The following AMPH variants were observed in gnomAD, a reference collection of about 807,000 sequenced individuals.
The protein encoded by AMPH is amphiphysin.
In AMPH, 49 loss-of-function variants were observed where a neutral mutation model predicts 99.1. The observed-to-expected ratio is 0.49, with a 90% CI of 0.39 to 0.63. AMPH has a LOEUF of 0.63. Ranked by LOEUF, AMPH falls within the 20% of genes least tolerant of loss-of-function variation. The pLI, the probability that AMPH is intolerant of heterozygous loss-of-function variation, is 0.00. For missense variants in AMPH, 759 were observed against 863.4 expected, an observed-to-expected ratio of 0.88 and a Z score of 1.52; for synonymous variants, 314 against 317.3, an observed-to-expected ratio of 0.99 and a Z score of 0.11.
In AMPH at chr7:38,465,491, G is replaced by C; in HGVS notation, c.725C>G (p.Ala242Gly). ...TKLGDQHADKAFTIQGAPSDS... is the reference protein window; with the variant it reads ...TKLGDQHADKGFTIQGAPSDS... ...CCTGGGCGCTCCTTGGATGGTGAAG[G>C]CCTTGTCGGCGTGCTGGTCACCCAG... Residue 242 changes from alanine (A) to glycine (G), a missense_variant, in exon 9 of 21, where the codon GCC becomes GGC. By Grantham distance (60) the Ala-to-Gly change is moderately conservative. Transcript: ENST00000356264. 1 of 1,582,706 alleles carries C rather than the reference G, an allele frequency of 6.3e-7. No homozygotes were observed. The highest frequency in any genetic ancestry group is 8.6e-7 in the Non-Finnish European group (1 of 1,162,496).
At chr7:38,617,191 T>C (rs1397633624) in intron 1 of AMPH, among the ~76,000 whole-genome samples, 1 of 151,706 alleles carries the variant, frequency 6.6e-6, no homozygotes, top group African/African-American at 2.4e-5. Flanking sequence ...GAATGTGTGT[T>C]ACCCCAAGGG....
At chr7:38,526,631 C>T (rs890121720) in intron 2 of AMPH, among the ~76,000 whole-genome samples, 12 of 151,884 alleles carry the variant, frequency 7.9e-5, no homozygotes, top group African/African-American at 2.2e-4. Context: ...ATTTTTACTA[C>T]GGAGTTTTAA....
At chr7:38,440,918 T>C (rs1786481204) in intron 11 of AMPH, among the ~76,000 whole-genome samples, 1 of 152,134 alleles carries the variant, frequency 6.6e-6, no homozygotes, top group Admixed American at 6.6e-5. Flanking sequence ...AACTTCACCA[T>C]ATGAATAATA....
chr7:38,406,713 C>CCTCTCTCCCTCTCT lies in AMPH; in HGVS notation c.1398+11111_1398+11112insAGAGAGGGAGAGAG, dbSNP rs1562732244. On this transcript the variant is annotated intron_variant, in intron 17 of 20. Coordinates refer to ENST00000356264, the MANE Select transcript of AMPH (RefSeq NM_001635.4). ...GCTTGCTCTGAGTTCTCTCTCCTCT[C>CCTCTCTCCCTCTCT]CTCTCTCTCTCCCTTTCCCTCTCTC... is the stretch of plus-strand genomic sequence containing the variant. Among the ~76,000 whole-genome samples the CCTCTCTCCCTCTCT allele has an allele frequency of 4.2e-4, 47 of 111,058 alleles. 1 individual carries two copies. The highest frequency in any genetic ancestry group is 7.5e-4 in the Non-Finnish European group (40 of 53,384). The allele number at this position is 111,058 out of a possible 152,430, so 72.9% of individuals were successfully genotyped here.
chr7:38,596,271 G>A (rs2129059719), intron 1 of AMPH, among the ~76,000 whole-genome samples: 1 of 152,268 alleles, frequency 6.6e-6, no homozygotes, highest in Non-Finnish European at 1.5e-5. Context: ...GTCTATGGAG[G>A]GGTAGAGTTT....
intron 1 of AMPH, among the ~76,000 whole-genome samples, chr7:38,564,013 A>G (rs566252906): frequency 6.6e-5 from 10 of 152,318 alleles, no homozygotes; most frequent in African/African-American, 1.9e-4. Context: ...CCTTCTTGAC[A>G]AACACTTGGG....
At chr7:38,549,809 C>G (rs1791117979) in intron 1 of AMPH, among the ~76,000 whole-genome samples, 1 of 152,178 alleles carries the variant, frequency 6.6e-6, no homozygotes, top group African/African-American at 2.4e-5. Context: ...GGACTGCATT[C>G]TCACAAGATA....
chr7:38,503,804 T>G (rs1484925574), intron 2 of AMPH, 100 bp from the exon 3 acceptor site: 1 of 1,216,718 alleles, frequency 8.2e-7, no homozygotes, highest in African/African-American at 1.5e-5. Context: ...CAGAAGCTCA[T>G]TCTTGGAAAA....
chr7:38,564,921 G>A lies in AMPH; in HGVS notation c.70-29910C>T, dbSNP rs181761213. On this transcript the variant is annotated intron_variant, in intron 1 of 20. Coordinates refer to ENST00000356264, the MANE Select transcript of AMPH (RefSeq NM_001635.4). The stretch of plus-strand genomic sequence containing the variant: ...GGGTGGATCACGAGGTCAGGAGATC[G>A]AGACCATCCTGGCTAACACGGTGAA... 9.9e-3 allele frequency among the ~76,000 whole-genome samples: 1,506 copies of A among 152,112 alleles called. 15 individuals are homozygous for A. The highest frequency in any genetic ancestry group is 0.012 in the Non-Finnish European group (822 of 67,972).
chr7:38,595,558 A>G (rs1029928078), intron 1 of AMPH, among the ~76,000 whole-genome samples: 34 of 152,192 alleles, frequency 2.2e-4, no homozygotes, highest in Non-Finnish European at 4.4e-5. Flanking sequence ...AGAAAAGTCC[A>G]ACTTTATTTT....
chr7:38,461,138 C>A, intron 11 of AMPH, 145 bp downstream of exon 11: 1 of 917,696 alleles, frequency 1.1e-6, no homozygotes, highest in South Asian at 1.7e-5. Flanking sequence ...ATGCTTCAGA[C>A]TAACCAAGTA....
At chr7:38,571,557 T>C (rs1441502813) in intron 1 of AMPH, among the ~76,000 whole-genome samples, 1 of 141,528 alleles carries the variant, frequency 7.1e-6, no homozygotes, top group African/African-American at 2.6e-5. Flanking sequence ...TATATATATT[T>C]ATACTTATAC....
intron 11 of AMPH, among the ~76,000 whole-genome samples, chr7:38,453,098 GCT>G (rs1433124852): frequency 1.1e-4 from 16 of 152,180 alleles, no homozygotes; most frequent in African/African-American, 3.9e-4. Flanking sequence ...TGGTCCAGCT[GCT>G]AGAGCCATGT....
At chr7:38,449,214 T>C (rs950378388) in intron 11 of AMPH, among the ~76,000 whole-genome samples, 7 of 152,206 alleles carry the variant, frequency 4.6e-5, no homozygotes, top group Admixed American at 2.0e-4. Context: ...ACCTGCATCC[T>C]GGATACTAAG....
intron 2 of AMPH, among the ~76,000 whole-genome samples, chr7:38,517,509 C>T (rs940637273): frequency 6.6e-6 from 1 of 152,190 alleles, no homozygotes; most frequent in Admixed American, 6.5e-5. Flanking sequence ...CCTGTTCAGC[C>T]TGAGGAATCA....
At position 38,480,880 on chromosome 7, in the gene AMPH, C is replaced by T. The variant is rs73356682; in HGVS notation, c.397-3911G>A. ...ACTTGCCTTCTAGCCTGGGGCATTC[C>T]TTTAATATCTTCCAAGTAGCAAATC... On this transcript the variant is annotated intron_variant, in intron 5 of 20. Coordinates refer to ENST00000356264, the MANE Select transcript of AMPH (RefSeq NM_001635.4). Among the ~76,000 whole-genome samples the T allele has an allele frequency of 8.5e-3, 1,289 of 152,246 alleles. 19 individuals are homozygous for T. The highest frequency in any genetic ancestry group is 0.027 in the African/African-American group (1,126 of 41,560).
intron 2 of AMPH, among the ~76,000 whole-genome samples, chr7:38,506,435 A>C (rs761163993): frequency 6.6e-6 from 1 of 152,206 alleles, no homozygotes; most frequent in Non-Finnish European, 1.5e-5. Flanking sequence ...AGCAACGGAA[A>C]GAGATAGAAT....
At chr7:38,618,373 G>T (rs954193667) in intron 1 of AMPH, among the ~76,000 whole-genome samples, 1 of 151,692 alleles carries the variant, frequency 6.6e-6, no homozygotes, top group African/African-American at 2.4e-5. Flanking sequence ...TTAGCCACGC[G>T]TGGTGGCATG....
At chr7:38,620,535 A>G (rs925223975) in intron 1 of AMPH, among the ~76,000 whole-genome samples, 6 of 128,302 alleles carry the variant, frequency 4.7e-5, no homozygotes, top group African/African-American at 1.3e-4. Context: ...TCTATGCTAT[A>G]TATATACATA....
Sources: allele counts gnomAD v4.1 joint callset (sites outside exome capture counted in the v4.1 genomes callset), GRCh38; gene constraint gnomAD v4.1.1; transcripts MANE v1.5; gene names NCBI Gene and HGNC (gene_info 2026-07-23, HGNC 2026-07-21).